TANGO2: variants seen among roughly 807,000 people sequenced by gnomAD.
The protein encoded by TANGO2 is transport and golgi organization 2 homolog.
In TANGO2, 26 loss-of-function variants were observed where a neutral mutation model predicts 39.1. The observed-to-expected ratio is 0.67, with a 90% CI of 0.49 to 0.92. The LOEUF (loss-of-function observed/expected upper bound fraction) is 0.92, where lower values mean the gene tolerates loss of function less well. Ranked by LOEUF, TANGO2 falls within the 40% of genes least tolerant of loss-of-function variation. The pLI is 0.00. For missense variants in TANGO2, 326 were observed against 360.1 expected (o/e 0.91, Z 0.77); for synonymous variants, 131 against 144.5 (o/e 0.91, Z 0.67).
chr22:20,045,490 C>T (rs1026568424), intron 3 of TANGO2, among the ~76,000 whole-genome samples: 1 of 146,952 alleles, frequency 6.8e-6, no homozygotes, highest in Non-Finnish European at 1.5e-5. Flanking sequence ...AAAAATTTGG[C>T]CATCACTTCT....
At chr22:20,058,108 G>A (rs1269406156) in intron 6 of TANGO2, 1 of 151,984 alleles carries the variant, frequency 6.6e-6, no homozygotes, top group Non-Finnish European at 1.5e-5. Flanking sequence ...CATTCAGTAG[G>A]TTTCGTTTCA....
chr22:20,055,491 C>T (rs556443662), intron 5 of TANGO2: 148 of 226,426 alleles, frequency 6.5e-4, no homozygotes, highest in Admixed American at 1.8e-3. Context: ...TGGTCTTTGG[C>T]GCTTTCTTTG....
At chr22:20,040,884 A>C (rs916826925) in intron 2 of TANGO2, among the ~76,000 whole-genome samples, 1 of 152,064 alleles carries the variant, frequency 6.6e-6, no homozygotes, top group Non-Finnish European at 1.5e-5. Flanking sequence ...ACCTCCCCCT[A>C]CCCCAGGCAG....
intron 3 of TANGO2, among the ~76,000 whole-genome samples, chr22:20,048,855 C>T (rs2147389180): frequency 6.6e-6 from 1 of 152,254 alleles, no homozygotes; most frequent in Non-Finnish European, 1.5e-5. Flanking sequence ...CCATGTTGGC[C>T]AGGATGGGCT....
At chr22:20,052,019 C>T (rs976186293) in intron 3 of TANGO2, among the ~76,000 whole-genome samples, 14 of 152,180 alleles carry the variant, frequency 9.2e-5, no homozygotes, top group Admixed American at 6.5e-4. Context: ...GCAGATTTGG[C>T]GGGGGTGAAG....
intron 3 of TANGO2, among the ~76,000 whole-genome samples, chr22:20,044,930 C>T (rs2044811504): frequency 6.6e-6 from 1 of 152,182 alleles, no homozygotes; most frequent in Non-Finnish European, 1.5e-5. Flanking sequence ...CAGCTCCAGT[C>T]TTGTGGAATT....
At chr22:20,056,679 A>G (rs1569323972) in intron 6 of TANGO2, 3 of 456,462 alleles carry the variant, frequency 6.6e-6, no homozygotes, top group Non-Finnish European at 1.3e-5. Flanking sequence ...CTCTGCAGCC[A>G]TGTTCTGGGA....
intron 1 of TANGO2, among the ~76,000 whole-genome samples, chr22:20,025,223 GC>G (rs1292702687): frequency 6.6e-6 from 1 of 150,766 alleles, no homozygotes; most frequent in Non-Finnish European, 1.5e-5. Context: ...CTCCTGAGTA[GC>G]TGGGATTACA....
At position 20,057,224 on chromosome 22, in the gene TANGO2, C is replaced by CT. The variant is rs2047538818; in HGVS notation, c.451+1212dup. On this transcript the variant is annotated intron_variant, in intron 6 of 8. Coordinates refer to ENST00000327374, the MANE Select transcript of TANGO2 (RefSeq NM_152906.7). The surrounding 1 kb of genome is among the most constrained non-coding windows in gnomAD (Gnocchi z 4.1). ...CCTGCATCTTAGGGGGCTGGTGGTG[C>CT]TGACGGGCTCATCATGAGTCCTGTG... is the stretch of plus-strand genomic sequence containing the variant. Among the ~76,000 whole-genome samples, 1 of 152,202 alleles carries CT rather than the reference C, an allele frequency of 6.6e-6. No individual in the cohort carries two copies. Among genetic ancestry groups the CT allele is most frequent in the Admixed American group, 6.5e-5 (1 of 15,290 alleles).
intron 1 of TANGO2, among the ~76,000 whole-genome samples, chr22:20,029,247 C>T (rs1193092679): frequency 1.3e-5 from 2 of 152,146 alleles, no homozygotes; most frequent in Non-Finnish European, 2.9e-5. Context: ...GAGCCCTAGG[C>T]TGGAGAGGGG....
At position 20,056,210 on chromosome 22, in the gene TANGO2, T is replaced by G. The variant is rs1301667136; in HGVS notation, c.451+197T>G. 5.7e-6 allele frequency: 4 copies of G among 698,362 alleles called. No individual in the cohort carries two copies. The East Asian group carries it at 1.1e-4, about 19-fold the overall frequency. The allele number at this position is 698,362 out of a possible 1,614,324, so 43.3% of individuals were successfully genotyped here. ...GAGCCCTGGCTCCCTGCTCACCCCC[T>G]CCCCATGGGCTTTTCCTGCTGAGCA... On this transcript the variant is annotated intron_variant, in intron 6 of 8. Coordinates refer to ENST00000327374, the MANE Select transcript of TANGO2 (RefSeq NM_152906.7).
rs116098083 is a variant in TANGO2, at chr22:20,038,581, G to A, written c.56+1727G>A. 9.9e-3 allele frequency among the ~76,000 whole-genome samples: 1,501 copies of A among 152,298 alleles called. 27 individuals are homozygous for A. Among genetic ancestry groups the A allele is most frequent in the African/African-American group, 0.035 (1,434 of 41,546 alleles). ...GTGTTGCTGCCAGGACCTGTCCTGC[G>A]GGTCCTGCCATTCCAGTTGGCCTCG... On this transcript the variant is annotated intron_variant, in intron 2 of 8. Coordinates refer to ENST00000327374, the MANE Select transcript of TANGO2 (RefSeq NM_152906.7).
At chr22:20,043,654 A>C (rs931187495) in intron 3 of TANGO2, among the ~76,000 whole-genome samples, 1 of 152,146 alleles carries the variant, frequency 6.6e-6, no homozygotes, top group East Asian at 1.9e-4. Flanking sequence ...TTCCTGTGCC[A>C]TGCGTCTGCA....
At chr22:20,056,495 C>T (rs1449622117) in intron 6 of TANGO2, 6 of 457,478 alleles carry the variant, frequency 1.3e-5, no homozygotes, top group African/African-American at 4.0e-5. Context: ...CCTCGAGCCC[C>T]TCTGCGCCAG....
chr22:20,020,111 T>C (rs1211746587), upstream of TANGO2, among the ~76,000 whole-genome samples: 1 of 152,248 alleles, frequency 6.6e-6, no homozygotes, highest in Non-Finnish European at 1.5e-5. Context: ...GTGGCCTCTC[T>C]TGCTTGCCAC....
intron 1 of TANGO2, chr22:20,033,028 C>G (rs531154321): frequency 7.8e-6 from 3 of 383,440 alleles, no homozygotes; most frequent in African/African-American, 6.5e-5. Context: ...ACACAGGGGC[C>G]CAGGCAAAGG....
Position 20,065,390 on chromosome 22 carries a change from G to A in TANGO2, c.*728G>A, listed in dbSNP as rs1310424324. The A allele has an allele frequency of 6.6e-6, 1 of 151,100 alleles. No homozygotes were observed. The highest frequency in any genetic ancestry group is 2.4e-5 in the African/African-American group (1 of 40,976). 9.4% of individuals were successfully genotyped at this position (151,100 alleles called of 1,614,324 possible). On this transcript the variant is annotated 3_prime_UTR_variant, in exon 9 of 9. Coordinates refer to ENST00000327374, the MANE Select transcript of TANGO2 (RefSeq NM_152906.7). Reference sequence around the variant, plus strand: ...GGAGTCTTGCTCTGTCACCCAGGCTGGAGTGCAGTGGCACGATCTCGGCTC... The same window carrying A: ...GGAGTCTTGCTCTGTCACCCAGGCTAGAGTGCAGTGGCACGATCTCGGCTC...
intron 2 of TANGO2, among the ~76,000 whole-genome samples, chr22:20,039,863 C>T (rs1021095220): frequency 2.0e-5 from 3 of 149,588 alleles, no homozygotes; most frequent in Non-Finnish European, 3.0e-5. Context: ...ACTCACCCCC[C>T]GAGATGATGC....
At chr22:20,050,357 G>T (rs1408957818) in intron 3 of TANGO2, among the ~76,000 whole-genome samples, 7 of 69,202 alleles carry the variant, frequency 1.0e-4, no homozygotes, top group South Asian at 6.1e-4. Context: ...TTTTCCTGGT[G>T]GTTTTTTTTT....
Sources: gnomAD v4.1 joint callset for allele counts (sites outside exome capture counted in the v4.1 genomes callset) on GRCh38, gnomAD v4.1.1 for gene constraint, Gnocchi (gnomAD v3.1) non-coding constraint, MANE v1.5 for transcripts, NCBI Gene and HGNC (gene_info 2026-07-23, HGNC 2026-07-21) for gene names.